COL4A3: variants seen among roughly 807,000 people sequenced by gnomAD.
The protein encoded by COL4A3 is collagen type IV alpha 3 chain.
COL4A3 carries 135 observed loss-of-function variants against 217.4 expected under a neutral mutation model. The ratio of observed to expected loss-of-function variants is 0.62; its 90% confidence interval spans 0.54 to 0.72. COL4A3 has a LOEUF of 0.72. Ranked by LOEUF, COL4A3 falls within the 30% of genes least tolerant of loss-of-function variation. The probability of loss-of-function intolerance (pLI) is 0.00; values close to 1 mark genes in which losing one functional copy is unlikely to be tolerated. For synonymous variants in COL4A3, 690 were observed against 736.3 expected (o/e 0.94, Z 1.02); for missense variants, 1,868 against 2,119.9 (o/e 0.88, Z 2.33).
intron 1 of COL4A3, among the ~76,000 whole-genome samples, chr2:227,215,571 G>T (rs1031645650): frequency 1.3e-5 from 2 of 152,106 alleles, no homozygotes; most frequent in African/African-American, 4.8e-5. Context: ...CAATTCTCTT[G>T]CCTCAGCCTC....
At chr2:227,205,483 A>G (rs954814410) in intron 1 of COL4A3, among the ~76,000 whole-genome samples, 2 of 152,140 alleles carry the variant, frequency 1.3e-5, no homozygotes, top group Non-Finnish European at 2.9e-5. Context: ...ATAGTATCTC[A>G]TAGTTATAGA....
chr2:227,289,436 T>C (rs1191171656), intron 35 of COL4A3, among the ~76,000 whole-genome samples, 188 bp downstream of exon 35: 1 of 152,204 alleles, frequency 6.6e-6, no homozygotes, highest in African/African-American at 2.4e-5. Context: ...CTAACATACA[T>C]TAACCTACAA....
chr2:227,276,443 G>C lies in COL4A3; in HGVS notation c.1986G>C (p.Gly662=). 6.2e-7 allele frequency: 1 copy of C among 1,614,110 alleles called. No individual in the cohort carries two copies. ...TTCCAGGCCCACCAGGACCTCCAGG[G>C]CCCCCTGGCCATCCTGGCCCCCAAG... The part of the protein sequence containing the change: ...TPVPGPPGPP[G]PPGHPGPQGP... Residue 662 remains glycine (G), a synonymous_variant, in exon 27 of 52, where the codon GGG becomes GGC. Coordinates refer to ENST00000396578, the MANE Select transcript of COL4A3 (RefSeq NM_000091.5).
chr2:227,262,163 T>C (rs1403896032), intron 20 of COL4A3, among the ~76,000 whole-genome samples: 2 of 152,208 alleles, frequency 1.3e-5, no homozygotes, highest in African/African-American at 2.4e-5. Flanking sequence ...AAATATTATA[T>C]GTACCTGAAT....
At chr2:227,179,242 T>C (rs1007754082) in intron 1 of COL4A3, among the ~76,000 whole-genome samples, 1 of 152,178 alleles carries the variant, frequency 6.6e-6, no homozygotes. Flanking sequence ...TGAGACATCG[T>C]GCCTGGCCAC....
chr2:227,194,244 C>T (rs2066383572), intron 1 of COL4A3, among the ~76,000 whole-genome samples: 1 of 152,204 alleles, frequency 6.6e-6, no homozygotes, highest in Non-Finnish European at 1.5e-5. Context: ...TATAGAGACA[C>T]TGTTTACAAA....
At chr2:227,255,849 G>A (rs1271639063) in intron 15 of COL4A3, among the ~76,000 whole-genome samples, 177 bp from the exon 16 acceptor site, 1 of 152,142 alleles carries the variant, frequency 6.6e-6, no homozygotes, top group Non-Finnish European at 1.5e-5. Context: ...TGGAAAGAGA[G>A]GGCCATTGTG....
chr2:227,177,401 C>G (rs866624213), intron 1 of COL4A3, among the ~76,000 whole-genome samples: 3 of 151,928 alleles, frequency 2.0e-5, no homozygotes, highest in African/African-American at 7.3e-5. Flanking sequence ...ATGATCCGCC[C>G]GCCTCGGCCT....
Position 227,303,949 on chromosome 2 carries a change from T to C in COL4A3, c.4027+19T>C. Reference sequence around the variant, plus strand: ...CCACCTGGTAAATAAACGTCCTTACTATTGCTGTCAATGAAGAAAGGTAAC... The same window carrying C: ...CCACCTGGTAAATAAACGTCCTTACCATTGCTGTCAATGAAGAAAGGTAAC... On this transcript the variant is annotated intron_variant, in intron 45 of 51. Coordinates refer to ENST00000396578, the MANE Select transcript of COL4A3 (RefSeq NM_000091.5). 1 of 1,614,246 alleles carries C rather than the reference T, an allele frequency of 6.2e-7. No individual in the cohort carries two copies. Among genetic ancestry groups the C allele is most frequent in the Non-Finnish European group, 8.5e-7 (1 of 1,180,042 alleles).
In COL4A3 at chr2:227,304,056, C is replaced by T. The variant is rs754674051; in HGVS notation, c.4065C>T (p.Ser1355=). The change falls in exon 46 of 52, where the codon TCC becomes TCT. Residue 1355 remains serine (S), a synonymous_variant. Transcript: ENST00000396578. ...RGDPGTLKII[S]LPGSPGPPGT... ...ACCCTGGCACACTTAAGATTATCTC[C>T]CTTCCAGGAAGCCCAGGGCCACCTG... 3.1e-6 allele frequency: 5 copies of T among 1,614,096 alleles called. No homozygotes were observed. The South Asian group carries it at 5.5e-5, about 18-fold the overall frequency.
chr2:227,271,584 C>T (rs1420699420), intron 25 of COL4A3, among the ~76,000 whole-genome samples: 2 of 151,244 alleles, frequency 1.3e-5, no homozygotes, highest in Admixed American at 6.6e-5. Flanking sequence ...GTGATTCTCC[C>T]ACCTCAGCCT....
At chr2:227,289,325 G>A (rs1418842939) in intron 35 of COL4A3, 77 bp downstream of exon 35, 10 of 1,214,712 alleles carry the variant, frequency 8.2e-6, no homozygotes, top group Non-Finnish European at 1.1e-5. Flanking sequence ...TTGTTTCTAG[G>A]CTTACTGGGT....
Position 227,253,562 on chromosome 2 carries a change from G to T in COL4A3, c.689G>T (p.Gly230Val), listed in dbSNP as rs1387958698. 1.9e-6 allele frequency: 3 copies of T among 1,613,428 alleles called. No individual in the cohort carries two copies. Among genetic ancestry groups the T allele is most frequent in the Non-Finnish European group, 2.5e-6 (3 of 1,179,388 alleles). Reference protein sequence around the residue: ...ERVIGHKGERGVKGLTGPPGP... With the variant: ...ERVIGHKGERVVKGLTGPPGP... ...ACTCCTGAGTGTTTTTGTCTTTAGG[G>T]TGTGAAAGGGTTAACAGGACCCCCG... Residue 230 changes from glycine (G) to valine (V), a missense_variant and splice_region_variant, in exon 13 of 52, where the codon GGT becomes GTT. Physicochemically the swap from Gly to Val is moderately radical, Grantham distance 109. Coordinates refer to ENST00000396578, the MANE Select transcript of COL4A3 (RefSeq NM_000091.5). This position sits in a 1 kb window ranked among gnomAD's most constrained non-coding sequence, Gnocchi z 4.4.
intron 1 of COL4A3, among the ~76,000 whole-genome samples, chr2:227,196,446 T>C (rs886793527): frequency 6.6e-6 from 1 of 151,154 alleles, no homozygotes; most frequent in Non-Finnish European, 1.5e-5. Flanking sequence ...GCCTCCCGAG[T>C]AGCTGGGACT....
rs2073142042 is a variant in COL4A3, at chr2:227,298,689, T to A, written c.3759T>A (p.Pro1253=). Residue 1253 remains proline, a synonymous_variant, in exon 43 of 52, where the codon CCT becomes CCA. Transcript: ENST00000396578. ...PPGSRGSPGA[P]GPPGPPGSHV... ...GACTTTTCATGAATTCAGGTGCGCCTGGTCCCCCTGGACCTCCAGGGAGTC... is the reference window on the plus strand; with the variant it reads ...GACTTTTCATGAATTCAGGTGCGCCAGGTCCCCCTGGACCTCCAGGGAGTC... 1 of 1,613,916 alleles carries A rather than the reference T, an allele frequency of 6.2e-7. No individual in the cohort carries two copies. Among genetic ancestry groups the A allele is most frequent in the East Asian group, 2.2e-5 (1 of 44,864 alleles).
chr2:227,280,636 A>G, intron 30 of COL4A3, 46 bp downstream of exon 30: 1 of 1,600,000 alleles, frequency 6.3e-7, no homozygotes, highest in Non-Finnish European at 8.6e-7. Context: ...GAGCTCTGCT[A>G]AAATGCAGCA....
At chr2:227,283,900 A>AC in intron 33 of COL4A3, 44 bp downstream of exon 33, 1 of 1,489,804 alleles carries the variant, frequency 6.7e-7, no homozygotes, top group Admixed American at 1.7e-5. Context: ...AGCATAAACA[A>AC]TGTTCATTTA....
intron 2 of COL4A3, 97 bp from the exon 3 acceptor site, chr2:227,240,046 A>T: frequency 9.2e-7 from 1 of 1,087,006 alleles, no homozygotes; most frequent in Non-Finnish European, 1.4e-6. Flanking sequence ...AAGAGTCACC[A>T]TGAAGTCATA....
intron 11 of COL4A3, among the ~76,000 whole-genome samples, chr2:227,252,620 A>T (rs893539306): frequency 2.9e-5 from 4 of 138,884 alleles, no homozygotes; most frequent in Admixed American, 7.2e-5. Context: ...ACACACACAC[A>T]CTCATGCATG....
Sources: allele counts gnomAD v4.1 joint callset (sites outside exome capture counted in the v4.1 genomes callset), GRCh38; gene constraint gnomAD v4.1.1; non-coding constraint Gnocchi (gnomAD v3.1); transcripts MANE v1.5; gene names NCBI Gene and HGNC (gene_info 2026-07-23, HGNC 2026-07-21).